CFAP46: variants seen among roughly 807,000 people sequenced by gnomAD.
The protein encoded by CFAP46 is cilia- and flagella-associated protein 46.
In CFAP46, 245 loss-of-function variants were observed where a neutral mutation model predicts 325.7. The observed-to-expected ratio is 0.75, with a 90% CI of 0.68 to 0.84. The LOEUF (loss-of-function observed/expected upper bound fraction) is 0.84, where lower values mean the gene tolerates loss of function less well. Ranked by LOEUF, CFAP46 falls within the 40% of genes least tolerant of loss-of-function variation. The pLI, the probability that CFAP46 is intolerant of heterozygous loss-of-function variation, is 0.00. For missense variants in CFAP46, 3,346 were observed against 3,543.0 expected, an observed-to-expected ratio of 0.94 and a Z score of 1.41; for synonymous variants, 1,523 against 1,495.9, an observed-to-expected ratio of 1.02 and a Z score of -0.42.
At chr10:132,906,878 G>A (rs975055917) in intron 22 of CFAP46, among the ~76,000 whole-genome samples, 2 of 152,094 alleles carry the variant, frequency 1.3e-5, no homozygotes, top group Non-Finnish European at 2.9e-5. Flanking sequence ...AGAGTGAATG[G>A]GGTCCTGGCG....
In CFAP46 at chr10:132,939,272, G is replaced by A. The variant is rs1850062189; in HGVS notation, c.372-519C>T. On this transcript the variant is annotated intron_variant, in intron 4 of 57. Coordinates refer to ENST00000368586, the MANE Select transcript of CFAP46 (RefSeq NM_001200049.3). The surrounding 1 kb of genome is among the most constrained non-coding windows in gnomAD (Gnocchi z 4.6). ...GGTCAGGAAGATGGAGGAGAAGGGAGGAACCTTTGGGAAACAAAGTTCCCG... is the reference window on the plus strand; with the variant it reads ...GGTCAGGAAGATGGAGGAGAAGGGAAGAACCTTTGGGAAACAAAGTTCCCG... Among the ~76,000 whole-genome samples, 1 of 152,216 alleles carries A rather than the reference G, an allele frequency of 6.6e-6. No homozygotes were observed. Among genetic ancestry groups the A allele is most frequent in the Admixed American group, 6.5e-5 (1 of 15,288 alleles).
At chr10:132,897,955 C>T (rs142276742) in intron 24 of CFAP46, among the ~76,000 whole-genome samples, 17 of 150,864 alleles carry the variant, frequency 1.1e-4, no homozygotes, top group African/African-American at 3.7e-4. Context: ...CTTCTGTAGC[C>T]GCACCCACTG....
intron 17 of CFAP46, among the ~76,000 whole-genome samples, chr10:132,916,319 T>C (rs763382296): frequency 1.5e-4 from 23 of 152,210 alleles, no homozygotes; most frequent in Non-Finnish European, 2.8e-4. Flanking sequence ...AACAGCAAAC[T>C]ACGCCTGGGG....
intron 47 of CFAP46, 128 bp from the exon 48 acceptor site, chr10:132,834,903 C>T: frequency 7.5e-7 from 1 of 1,330,688 alleles, no homozygotes; most frequent in South Asian, 1.5e-5. Context: ...GACAAGGGCA[C>T]CTGGCTCGGC....
Position 132,941,823 on chromosome 10 carries a change from G to A in CFAP46, c.175-101C>T, listed in dbSNP as rs187330367. 4,294 of 1,559,868 alleles carry A rather than the reference G, an allele frequency of 2.8e-3. 6 individuals are homozygous for A. Among genetic ancestry groups the A allele is most frequent in the Non-Finnish European group, 2.9e-3 (3,393 of 1,150,468 alleles). ...CTTTCAGAACAGGCCCCCAGCACAG[G>A]TGGAGCCTGTTTCCAGCCCCATCCT... On this transcript the variant is annotated intron_variant, in intron 2 of 57. Coordinates refer to ENST00000368586, the MANE Select transcript of CFAP46 (RefSeq NM_001200049.3).
rs149527720 is a variant in CFAP46, at chr10:132,857,617, G to A, written c.5547C>T (p.Ser1849=). The change falls in exon 39 of 58, where the codon AGC becomes AGT. Residue 1849 remains serine (S), a synonymous_variant. Coordinates refer to ENST00000368586, the MANE Select transcript of CFAP46 (RefSeq NM_001200049.3). ...AMAEEEGRLH[S]VQGLLSLQDL... ...CTTGAAGTGACAATAGGCCCTGGACGCTGTGAAGCCTCCCTTCTTCCTCAG... is the reference window on the plus strand; with the variant it reads ...CTTGAAGTGACAATAGGCCCTGGACACTGTGAAGCCTCCCTTCTTCCTCAG... The A allele has an allele frequency of 1.6e-5, 25 of 1,612,720 alleles. No individual in the cohort carries two copies. The highest frequency in any genetic ancestry group is 5.3e-5 in the African/African-American group (4 of 74,846).
rs1247396622 is a variant in CFAP46 at position 132,825,153 on chromosome 10, GTGTGTGCAGTGA to G, written c.7117+8193_7117+8204del. On this transcript the variant is annotated intron_variant, in intron 50 of 57. Coordinates refer to ENST00000368586, the MANE Select transcript of CFAP46 (RefSeq NM_001200049.3). ...TGCTGTGTGTGTGGTGATGTGTGCT[GTGTGTGCAGTGA>G]TGTGTGCTGTGTGTGTGCTGTGTGC... Among the ~76,000 whole-genome samples the G allele has an allele frequency of 5.3e-4, 79 of 148,364 alleles. 1 individual carries two copies. The highest frequency in any genetic ancestry group is 1.8e-3 in the African/African-American group (72 of 39,592).
chr10:132,910,881 T>C (rs1039582828), intron 19 of CFAP46, among the ~76,000 whole-genome samples: 1 of 130,714 alleles, frequency 7.7e-6, no homozygotes, highest in Non-Finnish European at 1.7e-5. Flanking sequence ...CTCACTCCCC[T>C]GTTCACCACC....
In CFAP46 at chr10:132,877,856, TG is replaced by T. The variant is rs764960948; in HGVS notation, c.4212+24del. Reference sequence around the variant, plus strand: ...CACAGGCCATCCTGGGCCCGGCCTCTGCACCGTGGCCACTTGGGCATCACCT... The same window carrying T: ...CACAGGCCATCCTGGGCCCGGCCTCTCACCGTGGCCACTTGGGCATCACCT... On this transcript the variant is annotated intron_variant, in intron 30 of 57. Coordinates refer to ENST00000368586, the MANE Select transcript of CFAP46 (RefSeq NM_001200049.3). This position sits in a 1 kb window ranked among gnomAD's most constrained non-coding sequence, Gnocchi z 5.7. The T allele has an allele frequency of 1.3e-6, 2 of 1,548,164 alleles. No homozygotes were observed. Among genetic ancestry groups the T allele is most frequent in the South Asian group, 2.4e-5 (2 of 83,950 alleles).
intron 51 of CFAP46, 27 bp from the exon 52 acceptor site, chr10:132,814,773 G>A (rs563952753): frequency 6.2e-7 from 1 of 1,613,658 alleles, no homozygotes; most frequent in African/African-American, 1.3e-5. Flanking sequence ...GGGTCAGCAG[G>A]TGCAGGGGCC....
At chr10:132,834,972 C>A (rs2135007415) in intron 47 of CFAP46, among the ~76,000 whole-genome samples, 197 bp from the exon 48 acceptor site, 1 of 152,364 alleles carries the variant, frequency 6.6e-6, no homozygotes, top group South Asian at 2.1e-4. Flanking sequence ...GACCCCAGCC[C>A]CCACCCATCT....
intron 44 of CFAP46, among the ~76,000 whole-genome samples, chr10:132,838,717 C>T (rs767214390): frequency 2.6e-5 from 4 of 152,262 alleles, no homozygotes; most frequent in Non-Finnish European, 4.4e-5. Flanking sequence ...GGGACCCCAG[C>T]GAAGGATTTC....
chr10:132,812,922 C>T lies in CFAP46; in HGVS notation c.7389-25G>A, dbSNP rs539988517. On this transcript the variant is annotated intron_variant, in intron 54 of 57. Coordinates refer to ENST00000368586, the MANE Select transcript of CFAP46 (RefSeq NM_001200049.3). ...GCTGCAGAGAGAGGAGAGCGCTGGTCAACAGTGCCCATGCACCTGTACCAG... is the reference window on the plus strand; with the variant it reads ...GCTGCAGAGAGAGGAGAGCGCTGGTTAACAGTGCCCATGCACCTGTACCAG... 12 of 1,569,276 alleles carry T rather than the reference C, an allele frequency of 7.6e-6. 1 individual carries two copies. Among genetic ancestry groups the T allele is most frequent in the Non-Finnish European group, 8.7e-7 (1 of 1,149,692 alleles).
At position 132,860,851 on chromosome 10, in the gene CFAP46, G is replaced by A; in HGVS notation, c.5022C>T (p.Phe1674=). ...CCAGGGTCAGAGTGGAATTGTACCA[G>A]AACTCCTCACTTCCGCCCAGGTGCT... is the stretch of plus-strand genomic sequence containing the variant. ...QAQHLGGSEE[F]WYNSTLTLAE... The change falls in exon 36 of 58, where the codon TTC becomes TTT. Residue 1674 remains phenylalanine (F), a synonymous_variant. Transcript: ENST00000368586. 1 of 1,551,074 alleles carries A rather than the reference G, an allele frequency of 6.4e-7. No homozygotes were observed. The highest frequency in any genetic ancestry group is 2.4e-5 in the East Asian group (1 of 40,922).
intron 3 of CFAP46, 137 bp from the exon 4 acceptor site, chr10:132,941,197 G>C: frequency 1.2e-6 from 1 of 850,524 alleles, no homozygotes. Flanking sequence ...GTGACGGTGT[G>C]GCAGACACAG....
At chr10:132,831,309 C>G (rs957969096) in intron 50 of CFAP46, among the ~76,000 whole-genome samples, 8 of 151,472 alleles carry the variant, frequency 5.3e-5, no homozygotes, top group African/African-American at 1.7e-4. Flanking sequence ...TGATTTGATG[C>G]ATATTTGTTC....
chr10:132,885,743 T>TGGAGAGCACTCATAGGCGGTGG, intron 26 of CFAP46, 78 bp downstream of exon 26: 1 of 1,261,536 alleles, frequency 7.9e-7, no homozygotes, highest in Non-Finnish European at 1.0e-6. Flanking sequence ...ACAGGCGGTG[T>TGGAGAGCACTCATAGGCGGTGG]GGGGAGCACT....
Position 132,810,491 on chromosome 10 carries a change from T to A in CFAP46, c.7584-2A>T. The A allele has an allele frequency of 6.2e-7, 1 of 1,613,150 alleles. No homozygotes were observed. Among genetic ancestry groups the A allele is most frequent in the Non-Finnish European group, 8.5e-7 (1 of 1,179,628 alleles). On this transcript the variant is annotated splice_acceptor_variant, in intron 56 of 57. Transcript: ENST00000368586. LOFTEE classifies it high-confidence loss of function. ...TTGGCTTCCCAACGGCCAACAGATC[T>A]AGGGGAGAAACGTCCCCTCAGGAGG... is the stretch of plus-strand genomic sequence containing the variant.
At chr10:132,887,189 T>C in intron 25 of CFAP46, among the ~76,000 whole-genome samples, 1 of 82,316 alleles carries the variant, frequency 1.2e-5, no homozygotes, top group Admixed American at 1.1e-4. Flanking sequence ...CTCTTCTCTC[T>C]CTCCTCTCTC....
Sources: allele counts gnomAD v4.1 joint callset (sites outside exome capture counted in the v4.1 genomes callset), GRCh38; gene constraint gnomAD v4.1.1; non-coding constraint Gnocchi (gnomAD v3.1); transcripts MANE v1.5; gene names NCBI Gene and HGNC (gene_info 2026-07-23, HGNC 2026-07-21).